The following TULP4 variants were observed in gnomAD, a reference collection of about 807,000 sequenced individuals.
TULP4 encodes TUB like protein 4.
In TULP4, 16 loss-of-function variants were observed where a neutral mutation model predicts 129.0. That is an observed-to-expected ratio of 0.12 (90% CI 0.08 to 0.19). TULP4 has a LOEUF of 0.19. Ranked by LOEUF, TULP4 falls within the 10% of genes least tolerant of loss-of-function variation. The probability of loss-of-function intolerance (pLI) is 1.00; values close to 1 mark genes in which losing one functional copy is unlikely to be tolerated. For missense variants in TULP4, 1,842 were observed against 2,059.1 expected (o/e 0.89, Z 2.04); for synonymous variants, 998 against 854.0 (o/e 1.17, Z -2.94).
chr6:158,445,181 G>A (rs1779006953), intron 3 of TULP4, among the ~76,000 whole-genome samples: 1 of 152,168 alleles, frequency 6.6e-6, no homozygotes, highest in Non-Finnish European at 1.5e-5. Flanking sequence ...AACCCAGCGA[G>A]GCAGCCATTG....
intron 1 of TULP4, among the ~76,000 whole-genome samples, chr6:158,240,832 G>C (rs1188723866): frequency 6.6e-6 from 1 of 150,574 alleles, no homozygotes; most frequent in Non-Finnish European, 1.5e-5. Context: ...GGCATGGCTG[G>C]CTGGGCGGGG....
At chr6:158,491,070 T>C (rs1780188191) in intron 9 of TULP4, among the ~76,000 whole-genome samples, 1 of 152,186 alleles carries the variant, frequency 6.6e-6, no homozygotes, top group East Asian at 1.9e-4. Context: ...ATGGGTCAGA[T>C]ACATGTTAAA....
In TULP4 at chr6:158,335,293, AT is replaced by A. The variant is rs917656608; in HGVS notation, c.252+21030del. On this transcript the variant is annotated intron_variant, in intron 1 of 13. Transcript: ENST00000367097. ...CTGTCTCAAAAAAAAAAAAAAAAAA[AT>A]TTTTGTTCTTTATAAGTACCCAGTC... Among the ~76,000 whole-genome samples the A allele has an allele frequency of 5.5e-4, 65 of 117,506 alleles. No homozygotes were observed. The East Asian group carries it at 8.7e-3, about 16-fold the overall frequency. The allele number at this position is 117,506 out of a possible 152,430, so 77.1% of individuals were successfully genotyped here.
intron 9 of TULP4, 61 bp downstream of exon 9, chr6:158,489,793 C>T: frequency 6.3e-7 from 1 of 1,597,032 alleles, no homozygotes; most frequent in Admixed American, 1.7e-5. Flanking sequence ...GTGTTTGTGC[C>T]TGCAACAGAA....
At chr6:158,385,638 A>G (rs916696704) in intron 1 of TULP4, among the ~76,000 whole-genome samples, 1 of 149,370 alleles carries the variant, frequency 6.7e-6, no homozygotes, top group African/African-American at 2.4e-5. Flanking sequence ...TATATAAAAT[A>G]TAATTATACA....
chr6:158,489,884 A>G (rs1183743099), intron 9 of TULP4, 152 bp downstream of exon 9: 27 of 1,059,852 alleles, frequency 2.5e-5, no homozygotes, highest in African/African-American at 4.8e-5. Flanking sequence ...AATAATTACA[A>G]CTTCTATTTG....
intron 1 of TULP4, among the ~76,000 whole-genome samples, chr6:158,363,447 A>C (rs190938049): frequency 2.5e-3 from 387 of 152,098 alleles, no homozygotes; most frequent in African/African-American, 8.8e-3. Context: ...GCCTATTTCC[A>C]TGTAAGTTGA....
At position 158,283,152 on chromosome 6, in the gene TULP4, C is replaced by A. The variant is rs201121884; in HGVS notation, n.116+774C>A. 6.5e-4 allele frequency among the ~76,000 whole-genome samples: 93 copies of A among 143,030 alleles called. 1 individual carries two copies. Among genetic ancestry groups the A allele is most frequent in the African/African-American group, 1.9e-3 (73 of 39,038 alleles). The allele number at this position is 143,030 out of a possible 152,430, so 93.8% of individuals were successfully genotyped here. The stretch of plus-strand genomic sequence containing the variant: ...AGACTCCGTCTCAAAAAAAAAAAAA[C>A]AAAAAAAAACCCTATAAAGACGTTC... On this transcript the variant is annotated intron_variant and non_coding_transcript_variant, in intron 1 of 1. Transcript: ENST00000432358.
At chr6:158,505,058 C>T (rs1426717183) in intron 13 of TULP4, among the ~76,000 whole-genome samples, 1 of 152,164 alleles carries the variant, frequency 6.6e-6, no homozygotes, top group African/African-American at 2.4e-5. Flanking sequence ...ATATCAACTT[C>T]CTGTTATCTG....
intron 11 of TULP4, among the ~76,000 whole-genome samples, chr6:158,496,159 G>A (rs924251046): frequency 2.6e-5 from 4 of 152,174 alleles, no homozygotes; most frequent in African/African-American, 7.2e-5. Context: ...GTTGCTCCCC[G>A]CATCTTTCCC....
chr6:158,264,581 A>C (rs756637436), intron 1 of TULP4, among the ~76,000 whole-genome samples: 4 of 152,074 alleles, frequency 2.6e-5, no homozygotes, highest in Non-Finnish European at 5.9e-5. Context: ...GGGAAGATGC[A>C]CCTGGAGGGC....
Position 158,349,435 on chromosome 6 carries a change from A to T in TULP4, c.252+35167A>T, listed in dbSNP as rs528369242. On this transcript the variant is annotated intron_variant, in intron 1 of 13. Transcript: ENST00000367097. ...CGGGCAGAGGCGCTCCTCACATCCC[A>T]GACGGGGCGGCTGGGCAGAGGCGCT... is the stretch of plus-strand genomic sequence containing the variant. Among the ~76,000 whole-genome samples the T allele has an allele frequency of 2.7e-3, 391 of 142,500 alleles. 5 individuals are homozygous for T. Among genetic ancestry groups the T allele is most frequent in the African/African-American group, 9.7e-3 (370 of 38,010 alleles). The allele number at this position is 142,500 out of a possible 152,430, so 93.5% of individuals were successfully genotyped here.
intron 1 of TULP4, among the ~76,000 whole-genome samples, chr6:158,347,252 G>A (rs937199091): frequency 2.0e-5 from 3 of 152,118 alleles, no homozygotes; most frequent in African/African-American, 7.2e-5. Flanking sequence ...GTAGAAATTT[G>A]TATATTTCAT....
At chr6:158,482,161 G>A (rs1779962093) in intron 8 of TULP4, among the ~76,000 whole-genome samples, 2 of 152,082 alleles carry the variant, frequency 1.3e-5, no homozygotes, top group Admixed American at 6.5e-5. Context: ...GCTTCCTCTC[G>A]CCACTTCCTC....
intron 1 of TULP4, among the ~76,000 whole-genome samples, chr6:158,240,781 T>C (rs1777879057): frequency 7.1e-6 from 1 of 141,774 alleles, no homozygotes; most frequent in Non-Finnish European, 1.6e-5. Context: ...TCGGCACGGC[T>C]GGCCAGGCGG....
Position 158,501,747 on chromosome 6 carries a change from A to C in TULP4, c.2084A>C (p.His695Pro), listed in dbSNP as rs553265161. ...CTVNIPIAPI[H>P]SSAQAMSPTQ... ...GTGAACATCCCTATTGCACCGATCCACAGCTCGGCTCAGGCTATGTCCCCC... is the reference window on the plus strand; with the variant it reads ...GTGAACATCCCTATTGCACCGATCCCCAGCTCGGCTCAGGCTATGTCCCCC... The change falls in exon 13 of 14, where the codon CAC becomes CCC. Residue 695 changes from histidine (H) to proline (P), a missense_variant. Physicochemically the swap from His to Pro is moderately conservative, Grantham distance 77. Transcript: ENST00000367097. 1 of 1,614,158 alleles carries C rather than the reference A, an allele frequency of 6.2e-7. No homozygotes were observed. The highest frequency in any genetic ancestry group is 8.5e-7 in the Non-Finnish European group (1 of 1,180,018).
At chr6:158,257,480 A>G (rs1778270696) in intron 1 of TULP4, among the ~76,000 whole-genome samples, 1 of 152,256 alleles carries the variant, frequency 6.6e-6, no homozygotes, top group Non-Finnish European at 1.5e-5. Context: ...CCATTAAACA[A>G]CATTTATATT....
At chr6:158,356,238 T>C (rs1780646025) in intron 1 of TULP4, among the ~76,000 whole-genome samples, 1 of 152,080 alleles carries the variant, frequency 6.6e-6, no homozygotes, top group Non-Finnish European at 1.5e-5. Flanking sequence ...AGCCACATAT[T>C]GAGGATAAAA....
At position 158,449,157 on chromosome 6, in the gene TULP4, T is replaced by C; in HGVS notation, c.705T>C (p.Asp235=). ...EDSSESDTDS[D]DYAPPQDGPA... The stretch of plus-strand genomic sequence containing the variant: ...GCAGCGAGAGCGACACGGACTCAGA[T>C]GACTACGCCCCTCCCCAAGGTACTC... Residue 235 remains aspartate (D), a synonymous_variant, in exon 4 of 14, where the codon GAT becomes GAC. Coordinates refer to ENST00000367097, the MANE Select transcript of TULP4 (RefSeq NM_020245.5). 6.2e-7 allele frequency: 1 copy of C among 1,613,354 alleles called. No individual in the cohort carries two copies. The highest frequency in any genetic ancestry group is 8.5e-7 in the Non-Finnish European group (1 of 1,179,708).
Sources: allele counts gnomAD v4.1 joint callset (sites outside exome capture counted in the v4.1 genomes callset), GRCh38; gene constraint gnomAD v4.1.1; transcripts MANE v1.5; gene names NCBI Gene and HGNC (gene_info 2026-07-23, HGNC 2026-07-21).